The following CNBD1 variants were observed in gnomAD, a reference collection of about 807,000 sequenced individuals.
CNBD1 encodes cyclic nucleotide-binding domain-containing protein 1.
CNBD1 carries 71 observed loss-of-function variants against 54.4 expected under a neutral mutation model. The ratio of observed to expected loss-of-function variants is 1.30; its 90% CI spans 1.08 to 1.59. The LOEUF (loss-of-function observed/expected upper bound fraction) is 1.59. Ranked by LOEUF, CNBD1 falls within the 40% of genes most tolerant of loss-of-function variation. The pLI, the probability that CNBD1 is intolerant of heterozygous loss-of-function variation, is 0.00. For missense variants in CNBD1, 659 were observed against 518.0 expected (o/e 1.27, Z -2.64); for synonymous variants, 182 against 170.7 (o/e 1.07, Z -0.51).
At chr8:87,226,970 A>T (rs1261649343) in intron 5 of CNBD1, among the ~76,000 whole-genome samples, 2 of 151,546 alleles carry the variant, frequency 1.3e-5, no homozygotes, top group African/African-American at 2.4e-5. Flanking sequence ...CTTCTTGTTG[A>T]ATTGATCCCT....
At chr8:87,034,020 T>C (rs747572533) in intron 4 of CNBD1, among the ~76,000 whole-genome samples, 1 of 152,214 alleles carries the variant, frequency 6.6e-6, no homozygotes, top group African/African-American at 2.4e-5. Context: ...TTTAATATGA[T>C]ATAAAAAGGT....
At chr8:87,082,436 A>T (rs1811015956) in intron 4 of CNBD1, among the ~76,000 whole-genome samples, 1 of 152,182 alleles carries the variant, frequency 6.6e-6, no homozygotes, top group African/African-American at 2.4e-5. Context: ...CTTCACAGGG[A>T]TGTGCATGAC....
At chr8:87,298,768 G>GCCA (rs1808931215) in intron 8 of CNBD1, among the ~76,000 whole-genome samples, 1 of 151,994 alleles carries the variant, frequency 6.6e-6, no homozygotes, top group African/African-American at 2.4e-5. Flanking sequence ...ACAGATGTGA[G>GCCA]CCACCATGCC....
At chr8:87,202,575 C>T (rs1289849128) in intron 4 of CNBD1, among the ~76,000 whole-genome samples, 2 of 152,102 alleles carry the variant, frequency 1.3e-5, no homozygotes, top group Non-Finnish European at 1.5e-5. Context: ...GCCCCATGAG[C>T]GTATGCACCA....
intron 4 of CNBD1, among the ~76,000 whole-genome samples, chr8:87,082,067 C>T (rs1465023139): frequency 6.6e-6 from 1 of 152,186 alleles, no homozygotes; most frequent in African/African-American, 2.4e-5. Context: ...CAAGCTAAGC[C>T]ATCATCACCC....
chr8:86,879,419 C>G (rs1453870889), intron 1 of CNBD1, among the ~76,000 whole-genome samples: 1 of 152,108 alleles, frequency 6.6e-6, no homozygotes, highest in African/African-American at 2.4e-5. Context: ...TTACCTTTTT[C>G]TATGGAAGAC....
chr8:87,023,838 T>C (rs891255457), intron 4 of CNBD1, among the ~76,000 whole-genome samples: 3 of 152,202 alleles, frequency 2.0e-5, no homozygotes, highest in Non-Finnish European at 4.4e-5. Context: ...TTGAGTTACA[T>C]GGTTTGATTG....
intron 8 of CNBD1, among the ~76,000 whole-genome samples, chr8:87,326,396 T>A (rs1472749268): frequency 7.9e-6 from 1 of 126,156 alleles, no homozygotes; most frequent in Non-Finnish European, 1.8e-5. Context: ...TCCTGTAGAG[T>A]GTTTTCCAAC....
intron 6 of CNBD1, among the ~76,000 whole-genome samples, chr8:87,279,575 T>A (rs1425419390): frequency 1.3e-5 from 2 of 151,398 alleles, no homozygotes; most frequent in Admixed American, 6.6e-5. Flanking sequence ...GTAGCTGTAC[T>A]ATAGTAGGCA....
chr8:87,120,143 A>G (rs931564153), intron 4 of CNBD1, among the ~76,000 whole-genome samples: 4 of 152,094 alleles, frequency 2.6e-5, no homozygotes, highest in African/African-American at 9.7e-5. Context: ...AAATAGTTTC[A>G]GGAGAATTAG....
chr8:87,029,513 C>A (rs889754696), intron 4 of CNBD1, among the ~76,000 whole-genome samples: 1 of 151,972 alleles, frequency 6.6e-6, no homozygotes, highest in Non-Finnish European at 1.5e-5. Context: ...AGACAAAATC[C>A]CTCATGTGCT....
At chr8:87,161,891 A>G (rs1454354539) in intron 4 of CNBD1, among the ~76,000 whole-genome samples, 1 of 152,176 alleles carries the variant, frequency 6.6e-6, no homozygotes, top group Non-Finnish European at 1.5e-5. Context: ...CTAAAACACA[A>G]TCTTAGATTC....
chr8:87,374,973 C>T (rs113681041), intron 10 of CNBD1, among the ~76,000 whole-genome samples: 2,872 of 150,246 alleles, frequency 0.019, 93 homozygotes, highest in African/African-American at 0.065. Context: ...GAGGAGTTCT[C>T]AAAACAAGTA....
intron 6 of CNBD1, among the ~76,000 whole-genome samples, chr8:87,279,263 A>C (rs1186249972): frequency 1.3e-5 from 2 of 151,450 alleles, no homozygotes. Context: ...ACTAATCAAC[A>C]AAATGATAAT....
At chr8:86,958,221 C>T (rs1447367996) in intron 4 of CNBD1, among the ~76,000 whole-genome samples, 1 of 152,094 alleles carries the variant, frequency 6.6e-6, no homozygotes, top group African/African-American at 2.4e-5. Flanking sequence ...TGTTCTTTTA[C>T]ATTTGCTGAG....
chr8:87,365,835 C>G (rs112425876), intron 10 of CNBD1, among the ~76,000 whole-genome samples: 32 of 152,140 alleles, frequency 2.1e-4, no homozygotes, highest in African/African-American at 6.3e-4. Context: ...TGAATAATTA[C>G]AACTCACAGG....
chr8:87,076,996 T>C (rs148486668), intron 4 of CNBD1, among the ~76,000 whole-genome samples: 412 of 152,350 alleles, frequency 2.7e-3, no homozygotes, highest in African/African-American at 9.7e-3. Flanking sequence ...TAATATTTGC[T>C]TGTTGAAAAT....
chr8:87,071,320 A>T (rs1302850158), intron 4 of CNBD1, among the ~76,000 whole-genome samples: 2 of 152,088 alleles, frequency 1.3e-5, no homozygotes, highest in African/African-American at 4.8e-5. Context: ...TACATGTGGC[A>T]ATGGAGCCTC....
chr8:87,312,213 C>T (rs940286400), intron 8 of CNBD1, among the ~76,000 whole-genome samples: 2 of 152,034 alleles, frequency 1.3e-5, no homozygotes, highest in Non-Finnish European at 2.9e-5. Context: ...AATAAAACTA[C>T]TATATCGATA....
Sources: allele counts gnomAD v4.1 joint callset (sites outside exome capture counted in the v4.1 genomes callset), GRCh38; gene constraint gnomAD v4.1.1; transcripts MANE v1.5; gene names NCBI Gene and HGNC (gene_info 2026-07-23, HGNC 2026-07-21).